The following SLC35F4 variants were observed in gnomAD, a reference collection of about 807,000 sequenced individuals.
SLC35F4 encodes chromosome 14 open reading frame 36.
Under a neutral mutation model 44.2 loss-of-function variants are expected in SLC35F4, and 24 were observed. The observed-to-expected ratio is 0.54, with a 90% CI of 0.39 to 0.76. The LOEUF is 0.76. Among genes scored for constraint, SLC35F4 ranks in the 30% least tolerant of loss-of-function variants. The pLI is 0.00. For missense variants in SLC35F4, 562 were observed against 586.1 expected (o/e 0.96, Z 0.42); for synonymous variants, 238 against 223.6 (o/e 1.06, Z -0.57).
At chr14:57,598,878 A>AATGTGTGTGTGT (rs1566665318) in intron 1 of SLC35F4, among the ~76,000 whole-genome samples, 1 of 117,122 alleles carries the variant, frequency 8.5e-6, no homozygotes, top group African/African-American at 3.0e-5. Context: ...CGATCTAGGG[A>AATGTGTGTGTGT]ATGTGTGTGT....
rs764653400 is a variant in SLC35F4 at position 57,589,260 on chromosome 14, A to G, written c.543T>C (p.His181=). The change falls in exon 3 of 8, where the codon CAT becomes CAC. Residue 181 remains histidine (H), a synonymous_variant. Transcript: ENST00000556826. ...IMFFPVYYSG[H]LATAQEKQSP... Reference sequence around the variant, plus strand: ...ATTGCTTTTCTTGAGCAGTGGCTAGATGACCAGAATAATAGACTGGGAAAA... The same window carrying G: ...ATTGCTTTTCTTGAGCAGTGGCTAGGTGACCAGAATAATAGACTGGGAAAA... 1 of 1,613,678 alleles carries G rather than the reference A, an allele frequency of 6.2e-7. No individual in the cohort carries two copies. The highest frequency in any genetic ancestry group is 1.1e-5 in the South Asian group (1 of 91,008).
intron 1 of SLC35F4, among the ~76,000 whole-genome samples, chr14:57,698,642 CTTTTT>C: frequency 6.9e-6 from 1 of 144,920 alleles, no homozygotes; most frequent in Admixed American, 6.9e-5. Flanking sequence ...AAACATGTCA[CTTTTT>C]TTTTTTTTTC....
At chr14:57,746,337 T>G (rs1478726177) in intron 1 of SLC35F4, among the ~76,000 whole-genome samples, 1 of 152,200 alleles carries the variant, frequency 6.6e-6, no homozygotes, top group Non-Finnish European at 1.5e-5. Context: ...CCCCTTCTGT[T>G]TCTATTTTAC....
intron 1 of SLC35F4, among the ~76,000 whole-genome samples, chr14:57,915,542 A>T (rs1486787462): frequency 6.6e-6 from 1 of 152,242 alleles, no homozygotes; most frequent in African/African-American, 2.4e-5. Context: ...GTAGCCATGC[A>T]GCAGACTGAA....
intron 1 of SLC35F4, among the ~76,000 whole-genome samples, chr14:57,907,739 G>C (rs2141049309): frequency 6.6e-6 from 1 of 152,244 alleles, no homozygotes; most frequent in South Asian, 2.1e-4. Flanking sequence ...ATAAGGCACT[G>C]TTAGAACTAC....
chr14:57,836,185 C>A (rs947937270), intron 1 of SLC35F4, among the ~76,000 whole-genome samples: 2 of 152,182 alleles, frequency 1.3e-5, no homozygotes, highest in East Asian at 3.8e-4. Context: ...GACTTACCTA[C>A]ATACCACCCA....
intron 1 of SLC35F4, among the ~76,000 whole-genome samples, chr14:57,936,337 C>T (rs190704624): frequency 2.0e-5 from 3 of 152,304 alleles, no homozygotes; most frequent in East Asian, 1.9e-4. Context: ...ATAAACATAT[C>T]GTGACAACCT....
chr14:57,681,352 A>G (rs1021976622), intron 1 of SLC35F4, among the ~76,000 whole-genome samples: 18 of 152,074 alleles, frequency 1.2e-4, no homozygotes, highest in Admixed American at 5.2e-4. Flanking sequence ...CCTTCCTTAC[A>G]CCTTATACGT....
intron 1 of SLC35F4, among the ~76,000 whole-genome samples, chr14:57,669,194 T>C (rs2074423622): frequency 6.6e-6 from 1 of 152,018 alleles, no homozygotes; most frequent in African/African-American, 2.4e-5. Context: ...TCCTGAGACT[T>C]TGCTGAAGTT....
intron 1 of SLC35F4, among the ~76,000 whole-genome samples, chr14:57,910,550 G>A (rs766072568): frequency 1.3e-4 from 20 of 151,948 alleles, no homozygotes; most frequent in Non-Finnish European, 2.2e-4. Context: ...CTTTTGTTGC[G>A]AAGACTATCT....
At chr14:57,664,361 T>G (rs927350418) in intron 1 of SLC35F4, among the ~76,000 whole-genome samples, 1 of 152,206 alleles carries the variant, frequency 6.6e-6, no homozygotes, top group Non-Finnish European at 1.5e-5. Context: ...AATGGGACAC[T>G]GGGACACTGA....
intron 1 of SLC35F4, among the ~76,000 whole-genome samples, chr14:57,711,543 T>C (rs1188046818): frequency 6.6e-6 from 1 of 152,216 alleles, no homozygotes; most frequent in Non-Finnish European, 1.5e-5. Context: ...CCCAACCTAA[T>C]AGCAATAGCA....
intron 4 of SLC35F4, among the ~76,000 whole-genome samples, chr14:57,579,960 T>A (rs564877533): frequency 6.6e-6 from 1 of 152,262 alleles, no homozygotes; most frequent in East Asian, 1.9e-4. Flanking sequence ...CTTGTCAGGG[T>A]ATCTGATGGT....
intron 1 of SLC35F4, among the ~76,000 whole-genome samples, chr14:57,661,456 T>C (rs766525336): frequency 3.0e-4 from 45 of 152,210 alleles, no homozygotes; most frequent in Non-Finnish European, 4.0e-4. Context: ...GTCAACATTA[T>C]TGACTTTAGG....
chr14:57,636,315 A>T (rs1050450343), intron 1 of SLC35F4, among the ~76,000 whole-genome samples: 1 of 152,116 alleles, frequency 6.6e-6, no homozygotes, highest in Non-Finnish European at 1.5e-5. Context: ...TTGAAAACTT[A>T]TGTTCTACTC....
chr14:57,609,007 A>G (rs1225831478), intron 1 of SLC35F4, among the ~76,000 whole-genome samples: 4 of 152,154 alleles, frequency 2.6e-5, no homozygotes, highest in Non-Finnish European at 5.9e-5. Flanking sequence ...CAGGAAGTAT[A>G]GACAGGACAC....
chr14:57,604,284 A>G (rs2071016242), intron 1 of SLC35F4: 1 of 152,218 alleles, frequency 6.6e-6, no homozygotes, highest in African/African-American at 2.4e-5. Flanking sequence ...ACCCGAGAAA[A>G]CAAAAAGAAA....
intron 1 of SLC35F4, among the ~76,000 whole-genome samples, chr14:57,666,836 A>T (rs1372881120): frequency 6.6e-6 from 1 of 152,096 alleles, no homozygotes; most frequent in East Asian, 1.9e-4. Context: ...TAGGCATGTG[A>T]AAATTAGCTC....
chr14:57,949,557 A>G (rs909246812), intron 1 of SLC35F4, among the ~76,000 whole-genome samples: 1 of 152,122 alleles, frequency 6.6e-6, no homozygotes, highest in Non-Finnish European at 1.5e-5. Context: ...GTACTGTTCT[A>G]TTCATCATGC....
Sources: gnomAD v4.1 joint callset for allele counts (sites outside exome capture counted in the v4.1 genomes callset) on GRCh38, gnomAD v4.1.1 for gene constraint, MANE v1.5 for transcripts, NCBI Gene and HGNC (gene_info 2026-07-23, HGNC 2026-07-21) for gene names.